The following MYOCD variants were observed in gnomAD, a reference collection of about 807,000 sequenced individuals.
MYOCD encodes myocardin.
MYOCD carries 32 observed loss-of-function variants against 96.1 expected under a neutral mutation model. That is an observed-to-expected ratio of 0.33 (90% confidence interval 0.25 to 0.45). The LOEUF (loss-of-function observed/expected upper bound fraction) is 0.45. Among genes scored for constraint, MYOCD ranks in the 20% least tolerant of loss-of-function variants. MYOCD has a pLI of 1.00. For synonymous variants in MYOCD, 469 were observed against 469.0 expected, an observed-to-expected ratio of 1.00 and a Z score of 0.00; for missense variants, 1,133 against 1,200.6, an observed-to-expected ratio of 0.94 and a Z score of 0.83.
chr17:12,718,151 C>A (rs1467195414), intron 4 of MYOCD, among the ~76,000 whole-genome samples: 1 of 152,184 alleles, frequency 6.6e-6, no homozygotes, highest in African/African-American at 2.4e-5. Flanking sequence ...GTTGGCTGCT[C>A]TGCCAGGCCA....
At chr17:12,680,919 G>A (rs1246429090) in intron 1 of MYOCD, among the ~76,000 whole-genome samples, 3 of 152,096 alleles carry the variant, frequency 2.0e-5, no homozygotes, top group Non-Finnish European at 4.4e-5. Context: ...CACCCCAATA[G>A]AGCACCCCAA....
intron 2 of MYOCD, chr17:12,705,882 A>C (rs2150674519): frequency 6.6e-6 from 1 of 152,302 alleles, no homozygotes; most frequent in Non-Finnish European, 1.5e-5. Flanking sequence ...ATCTATAATG[A>C]CTTGTGCAGA....
At chr17:12,759,061 AAAAG>A (rs1015571391) in intron 12 of MYOCD, among the ~76,000 whole-genome samples, 7 of 152,134 alleles carry the variant, frequency 4.6e-5, no homozygotes, top group African/African-American at 1.7e-4. Flanking sequence ...AAAAAAAAGA[AAAAG>A]AAAAAGAGAA....
At position 12,736,338 on chromosome 17, in the gene MYOCD, TA is replaced by T; in HGVS notation, c.591+8del. 6.2e-7 allele frequency: 1 copy of T among 1,610,740 alleles called. No homozygotes were observed. The highest frequency in any genetic ancestry group is 8.5e-7 in the Non-Finnish European group (1 of 1,178,508). On this transcript the variant is annotated splice_donor_region_variant and intron_variant, in intron 6 of 13. Transcript: ENST00000425538. Reference sequence around the variant, plus strand: ...ACAGGTTCTCTGGGGACAAACCAGGTAAAAAACAAAACAAACAAACGAAAAA... The same window carrying T: ...ACAGGTTCTCTGGGGACAAACCAGGTAAAAACAAAACAAACAAACGAAAAA...
At position 12,767,735 on chromosome 17, in the gene MYOCD, C is replaced by T. The variant is rs1364623738; in HGVS notation, c.*4091C>T. ...TTGTGGACAAACACCAGTAGTCTAT[C>T]ACTTGGAGATCTTTTAATATCTCCC... On this transcript the variant is annotated 3_prime_UTR_variant, in exon 14 of 14. Transcript: ENST00000425538. 6.6e-6 allele frequency: 1 copy of T among 152,176 alleles called. No homozygotes were observed. The highest frequency in any genetic ancestry group is 2.4e-5 in the African/African-American group (1 of 41,430). 9.4% of individuals were successfully genotyped at this position (152,176 alleles called of 1,614,324 possible).
In MYOCD at chr17:12,756,558, G is replaced by T. The variant is rs2033018463; in HGVS notation, c.2202+1G>T. The T allele has an allele frequency of 6.5e-7, 1 of 1,548,864 alleles. No individual in the cohort carries two copies. Among genetic ancestry groups the T allele is most frequent in the South Asian group, 1.2e-5 (1 of 83,874 alleles). On this transcript the variant is annotated splice_donor_variant, in intron 11 of 13. Transcript: ENST00000425538. LOFTEE classifies it high-confidence loss of function. ...CAAAAGCCCATGTGTACAGCAAAAGGTAGGCACCTGAAAAAAGGCCTCAAC... is the reference window on the plus strand; with the variant it reads ...CAAAAGCCCATGTGTACAGCAAAAGTTAGGCACCTGAAAAAAGGCCTCAAC...
rs548717673 is a variant in MYOCD at position 12,763,578 on chromosome 17, C to A, written c.2895C>A (p.Ile965=). ...LTTSSPSIFN[I]DFLDVTDLNL... ...CCAGCAGCCCCAGCATCTTCAACAT[C>A]GATTTCCTGGATGTCACTGATCTCA... Residue 965 remains isoleucine (I), a synonymous_variant, in exon 14 of 14, where the codon ATC becomes ATA. Coordinates refer to ENST00000425538, the MANE Select transcript of MYOCD (RefSeq NM_001146312.3). 1.9e-6 allele frequency: 3 copies of A among 1,614,114 alleles called. No homozygotes were observed. Among genetic ancestry groups the A allele is most frequent in the Admixed American group, 3.3e-5 (2 of 60,016 alleles).
chr17:12,703,184 T>C (rs1392476557), intron 1 of MYOCD, among the ~76,000 whole-genome samples: 1 of 152,034 alleles, frequency 6.6e-6, no homozygotes, highest in African/African-American at 2.4e-5. Context: ...ATTTTCTAGC[T>C]TTCATTGTTT....
At chr17:12,676,451 G>A (rs1389825205) in intron 1 of MYOCD, among the ~76,000 whole-genome samples, 1 of 152,094 alleles carries the variant, frequency 6.6e-6, no homozygotes, top group Non-Finnish European at 1.5e-5. Flanking sequence ...ATTAGCTCTG[G>A]GTGGTGAGAT....
chr17:12,764,304 C>G lies in MYOCD; in HGVS notation c.*660C>G, dbSNP rs1451765512. ...GATGTGGTCACTAATAACAATTAAC[C>G]TGAACTGAGTCCACAGAACTCCACT... On this transcript the variant is annotated 3_prime_UTR_variant, in exon 14 of 14. Coordinates refer to ENST00000425538, the MANE Select transcript of MYOCD (RefSeq NM_001146312.3). 6.6e-6 allele frequency: 1 copy of G among 152,290 alleles called. No individual in the cohort carries two copies. The highest frequency in any genetic ancestry group is 1.9e-4 in the East Asian group (1 of 5,202). 9.4% of individuals were successfully genotyped at this position (152,290 alleles called of 1,614,324 possible).
chr17:12,670,756 T>C (rs1909664679), intron 1 of MYOCD, among the ~76,000 whole-genome samples: 1 of 152,210 alleles, frequency 6.6e-6, no homozygotes, highest in Non-Finnish European at 1.5e-5. Flanking sequence ...ATTCAATACT[T>C]TTCCAAGGGA....
chr17:12,768,541 T>G lies in MYOCD; in HGVS notation c.*4897T>G, dbSNP rs1781855373. 6.6e-6 allele frequency: 1 copy of G among 152,120 alleles called. No individual in the cohort carries two copies. Among genetic ancestry groups the G allele is most frequent in the South Asian group, 2.1e-4 (1 of 4,814 alleles). The allele number at this position is 152,120 out of a possible 1,614,324, so 9.4% of individuals were successfully genotyped here. On this transcript the variant is annotated 3_prime_UTR_variant, in exon 14 of 14. Transcript: ENST00000425538. The stretch of plus-strand genomic sequence containing the variant: ...CATTTCCTAGAAGTGGTTTCATAGC[T>G]CCTGTGTGTTCATGGAAAAGGGGAG...
At chr17:12,742,576 ATT>A (rs71144922) in intron 7 of MYOCD, among the ~76,000 whole-genome samples, 86 of 146,954 alleles carry the variant, frequency 5.9e-4, no homozygotes, top group Admixed American at 2.4e-3. Context: ...TTTGAAAATT[ATT>A]TTTTTTTTTT....
intron 1 of MYOCD, among the ~76,000 whole-genome samples, chr17:12,677,729 T>C (rs991969534): frequency 1.3e-5 from 2 of 151,606 alleles, no homozygotes; most frequent in Admixed American, 1.3e-4. Context: ...AAAAAGTGTA[T>C]ATTAATTCTC....
At chr17:12,709,158 C>T (rs1279808496) in intron 2 of MYOCD, among the ~76,000 whole-genome samples, 1 of 152,156 alleles carries the variant, frequency 6.6e-6, no homozygotes, top group Non-Finnish European at 1.5e-5. Flanking sequence ...CCCATTGACT[C>T]TAATGAGGTG....
chr17:12,727,978 G>T (rs1253957897), intron 5 of MYOCD, among the ~76,000 whole-genome samples: 1 of 152,140 alleles, frequency 6.6e-6, no homozygotes, highest in Non-Finnish European at 1.5e-5. Context: ...ATTCTGTAGG[G>T]TAATAGGGGA....
intron 1 of MYOCD, among the ~76,000 whole-genome samples, chr17:12,691,277 C>T (rs2030307591): frequency 6.6e-6 from 1 of 152,208 alleles, no homozygotes; most frequent in South Asian, 2.1e-4. Context: ...CAAGGAGACA[C>T]ATTTTCCACT....
At chr17:12,730,046 C>T (rs7207561) in intron 5 of MYOCD, among the ~76,000 whole-genome samples, 1 of 152,182 alleles carries the variant, frequency 6.6e-6, no homozygotes, top group African/African-American at 2.4e-5. Flanking sequence ...ACTCGGGAGG[C>T]TGAGGCAGGA....
chr17:12,683,910 A>C (rs1169738585), intron 1 of MYOCD, among the ~76,000 whole-genome samples: 4 of 152,216 alleles, frequency 2.6e-5, no homozygotes, highest in Non-Finnish European at 5.9e-5. Context: ...GAATGAATGG[A>C]CAAATGAATG....
Sources: allele counts gnomAD v4.1 joint callset (sites outside exome capture counted in the v4.1 genomes callset), GRCh38; gene constraint gnomAD v4.1.1; transcripts MANE v1.5; gene names NCBI Gene and HGNC (gene_info 2026-07-23, HGNC 2026-07-21).